The following CRPPA variants were observed in gnomAD, a reference collection of about 807,000 sequenced individuals.
CRPPA encodes CDP-L-ribitol pyrophosphorylase A.
In CRPPA, 43 loss-of-function variants were observed where a neutral mutation model predicts 52.0. That is an observed-to-expected ratio of 0.83 (90% CI 0.65 to 1.07). The LOEUF is 1.07. Ranked by LOEUF, CRPPA falls within the 50% of genes least tolerant of loss-of-function variation. The pLI is 0.00. For missense variants in CRPPA, 629 were observed against 551.7 expected, an observed-to-expected ratio of 1.14 and a Z score of -1.40; for synonymous variants, 250 against 203.5, an observed-to-expected ratio of 1.23 and a Z score of -1.94.
rs118185450 is a variant in CRPPA at position 16,414,117 on chromosome 7, A to C, written c.257+6949T>G. Reference sequence around the variant, plus strand: ...TGACAAGCATGAAACCATCTAAAGGAAAGTTATCTTAAGCATTGTCCTCCA... The same window carrying C: ...TGACAAGCATGAAACCATCTAAAGGCAAGTTATCTTAAGCATTGTCCTCCA... On this transcript the variant is annotated intron_variant, in intron 1 of 9. Coordinates refer to ENST00000407010, the MANE Select transcript of CRPPA (RefSeq NM_001101426.4). Among the ~76,000 whole-genome samples, 143 of 152,248 alleles carry C rather than the reference A, an allele frequency of 9.4e-4. 1 individual carries two copies. In the East Asian group the frequency reaches 0.019, roughly 20 times the overall value.
chr7:16,307,673 C>CAAAAAAAAAA (rs55682769), intron 4 of CRPPA, among the ~76,000 whole-genome samples: 3 of 44,366 alleles, frequency 6.8e-5, no homozygotes, highest in African/African-American at 2.7e-4. Flanking sequence ...GAAACTCTGT[C>CAAAAAAAAAA]AAAAAAAAAA....
chr7:16,200,735 T>A (rs1781831980), intron 9 of CRPPA, among the ~76,000 whole-genome samples: 1 of 152,222 alleles, frequency 6.6e-6, no homozygotes, highest in South Asian at 2.1e-4. Flanking sequence ...ATGCTTAGTA[T>A]TGTGAAAGAG....
chr7:16,189,094 TA>T (rs1051261727), intron 9 of CRPPA, among the ~76,000 whole-genome samples: 1 of 151,932 alleles, frequency 6.6e-6, no homozygotes, highest in Non-Finnish European at 1.5e-5. Flanking sequence ...AAACACACAT[TA>T]AAAAAAACCT....
At chr7:16,245,879 C>A (rs929722675) in intron 8 of CRPPA, among the ~76,000 whole-genome samples, 4 of 152,028 alleles carry the variant, frequency 2.6e-5, no homozygotes, top group Admixed American at 6.6e-5. Flanking sequence ...CTGTGTATTG[C>A]TAAAAATCCT....
chr7:16,228,127 G>A (rs1198658543), intron 8 of CRPPA, among the ~76,000 whole-genome samples: 1 of 151,774 alleles, frequency 6.6e-6, no homozygotes, highest in Non-Finnish European at 1.5e-5. Context: ...TGTTGTTTTG[G>A]TTACTGTATC....
intron 2 of CRPPA, among the ~76,000 whole-genome samples, chr7:16,398,129 G>A (rs908645721): frequency 2.5e-4 from 38 of 151,908 alleles, no homozygotes; most frequent in Admixed American, 2.0e-4. Context: ...GACATTATTC[G>A]CACTTGACTG....
At chr7:16,382,593 A>C (rs1465661535) in intron 2 of CRPPA, among the ~76,000 whole-genome samples, 3 of 152,008 alleles carry the variant, frequency 2.0e-5, no homozygotes, top group African/African-American at 7.3e-5. Context: ...GTGTTTTCCA[A>C]CTTGGTTCCA....
At chr7:16,297,479 A>G (rs1324800437) in intron 5 of CRPPA, among the ~76,000 whole-genome samples, 4 of 152,190 alleles carry the variant, frequency 2.6e-5, no homozygotes, top group African/African-American at 9.7e-5. Context: ...GATTCTAGGG[A>G]AAAACTGCAG....
intron 3 of CRPPA, among the ~76,000 whole-genome samples, chr7:16,332,871 C>G (rs1785586359): frequency 6.6e-6 from 1 of 151,658 alleles, no homozygotes; most frequent in African/African-American, 2.4e-5. Flanking sequence ...GTACAAAACC[C>G]AAGTCTTATC....
At chr7:16,410,661 C>T (rs924416236) in intron 1 of CRPPA, among the ~76,000 whole-genome samples, 10 of 152,164 alleles carry the variant, frequency 6.6e-5, no homozygotes, top group African/African-American at 2.4e-4. Context: ...CAAGACCTGA[C>T]CTCAGCCTAC....
intron 2 of CRPPA, among the ~76,000 whole-genome samples, chr7:16,383,449 G>A (rs1359574358): frequency 1.3e-5 from 2 of 152,190 alleles, no homozygotes; most frequent in Non-Finnish European, 2.9e-5. Flanking sequence ...AGGGGTCAGG[G>A]ACCCACTTGA....
intron 9 of CRPPA, among the ~76,000 whole-genome samples, chr7:16,111,966 G>T (rs1387643470): frequency 6.6e-6 from 1 of 152,126 alleles, no homozygotes; most frequent in African/African-American, 2.4e-5. Flanking sequence ...TAACTAGATT[G>T]ATTTAATTAT....
chr7:16,122,886 G>A (rs1200355543), intron 9 of CRPPA, among the ~76,000 whole-genome samples: 1 of 152,032 alleles, frequency 6.6e-6, no homozygotes, highest in Non-Finnish European at 1.5e-5. Context: ...TTTTCAACAT[G>A]AGGTGATAAC....
chr7:16,381,901 G>C (rs1427595919), intron 2 of CRPPA, among the ~76,000 whole-genome samples: 1 of 151,992 alleles, frequency 6.6e-6, no homozygotes, highest in Non-Finnish European at 1.5e-5. Flanking sequence ...ACATGAGATG[G>C]GTTTCCTGAA....
chr7:16,414,485 T>C (rs1009417984), intron 1 of CRPPA, among the ~76,000 whole-genome samples: 1 of 152,002 alleles, frequency 6.6e-6, no homozygotes, highest in Non-Finnish European at 1.5e-5. Flanking sequence ...ATCCAGGGAA[T>C]ACATTTTTTA....
chr7:16,178,077 G>GA (rs1215106213), intron 9 of CRPPA, among the ~76,000 whole-genome samples: 4 of 150,792 alleles, frequency 2.7e-5, no homozygotes, highest in Admixed American at 2.6e-4. Context: ...AAAAAAAAGA[G>GA]AAAAATGGAA....
At chr7:16,317,859 C>A (rs764560863) in intron 3 of CRPPA, among the ~76,000 whole-genome samples, 20 of 152,162 alleles carry the variant, frequency 1.3e-4, no homozygotes, top group Non-Finnish European at 2.4e-4. Context: ...TATATCCCCA[C>A]CAACAGAGTA....
chr7:16,299,345 C>T (rs959363532), intron 5 of CRPPA, among the ~76,000 whole-genome samples: 1 of 152,082 alleles, frequency 6.6e-6, no homozygotes, highest in African/African-American at 2.4e-5. Flanking sequence ...ACTTAAAGCT[C>T]TTAATGCAAT....
intron 9 of CRPPA, among the ~76,000 whole-genome samples, chr7:16,115,406 T>C (rs566599331): frequency 2.8e-4 from 42 of 152,110 alleles, no homozygotes; most frequent in Non-Finnish European, 5.3e-4. Context: ...TATCAACAAA[T>C]GGTTTCTTTT....
Sources: gnomAD v4.1 joint callset for allele counts (sites outside exome capture counted in the v4.1 genomes callset) on GRCh38, gnomAD v4.1.1 for gene constraint, MANE v1.5 for transcripts, NCBI Gene and HGNC (gene_info 2026-07-23, HGNC 2026-07-21) for gene names.